Variants in RCOR1 observed in about 807,000 individuals in gnomAD.
RCOR1 encodes the protein REST corepressor 1, also known as REST corepressor.
Under a neutral mutation model 64.0 loss-of-function variants are expected in RCOR1, and 12 were observed. The observed-to-expected ratio is 0.19, with a 90% CI of 0.12 to 0.30. RCOR1 has a LOEUF of 0.30. Among genes scored for constraint, RCOR1 ranks in the 10% least tolerant of loss-of-function variants. The pLI is 1.00. For synonymous variants in RCOR1, 279 were observed against 227.2 expected (o/e 1.23, Z -2.05); for missense variants, 502 against 621.2 (o/e 0.81, Z 2.04).
At chr14:102,612,239 C>T (rs965444518) in intron 2 of RCOR1, among the ~76,000 whole-genome samples, 2 of 152,206 alleles carry the variant, frequency 1.3e-5, no homozygotes, top group Non-Finnish European at 2.9e-5. Flanking sequence ...CCAGGCTGGT[C>T]TTGAGCTCCT....
At chr14:102,610,853 C>G (rs1034286630) in intron 2 of RCOR1, among the ~76,000 whole-genome samples, 1 of 152,040 alleles carries the variant, frequency 6.6e-6, no homozygotes, top group Non-Finnish European at 1.5e-5. Flanking sequence ...CGTGCCCAGC[C>G]CAAAAGCTTC....
intron 2 of RCOR1, among the ~76,000 whole-genome samples, chr14:102,632,619 C>G (rs970719786): frequency 3.1e-5 from 1 of 32,488 alleles, no homozygotes; most frequent in Non-Finnish European, 6.1e-5. Context: ...CTATCCTTTC[C>G]TTTCCTTTCC....
intron 2 of RCOR1, among the ~76,000 whole-genome samples, chr14:102,594,387 G>A (rs959472114): frequency 3.3e-5 from 5 of 152,100 alleles, no homozygotes; most frequent in African/African-American, 1.2e-4. Flanking sequence ...TTTTTCCTTG[G>A]AAACAAGACT....
chr14:102,706,020 G>A (rs540078492), intron 4 of RCOR1, among the ~76,000 whole-genome samples: 4 of 143,342 alleles, frequency 2.8e-5, no homozygotes, highest in Non-Finnish European at 6.0e-5. Context: ...GCTGAGGCAG[G>A]AGAATTGATT....
At chr14:102,645,142 T>C (rs1203769839) in intron 2 of RCOR1, among the ~76,000 whole-genome samples, 1 of 152,204 alleles carries the variant, frequency 6.6e-6, no homozygotes, top group Non-Finnish European at 1.5e-5. Context: ...TTGTGGTAGG[T>C]CCTTCATTTC....
intron 2 of RCOR1, among the ~76,000 whole-genome samples, chr14:102,626,602 T>C (rs1363503748): frequency 1.3e-5 from 2 of 152,184 alleles, no homozygotes; most frequent in African/African-American, 4.8e-5. Context: ...TTCTATACTT[T>C]TGGGTTTGTT....
intron 2 of RCOR1, among the ~76,000 whole-genome samples, chr14:102,676,405 T>C (rs547930731): frequency 2.0e-5 from 2 of 101,340 alleles, no homozygotes; most frequent in Non-Finnish European, 2.0e-5. Flanking sequence ...CACTTCCCAG[T>C]AGGGGCGGCC....
chr14:102,662,111 A>G, intron 2 of RCOR1: 1 of 351,084 alleles, frequency 2.8e-6, no homozygotes, highest in Non-Finnish European at 5.5e-6. Context: ...GTTTGTTGTC[A>G]TTTGCATGTT....
chr14:102,601,107 T>C (rs1893386628), intron 2 of RCOR1, among the ~76,000 whole-genome samples: 1 of 151,998 alleles, frequency 6.6e-6, no homozygotes, highest in African/African-American at 2.4e-5. Flanking sequence ...GAGAATTGCT[T>C]GAACCCAGGC....
At chr14:102,682,937 T>A (rs1294766189) in intron 3 of RCOR1, among the ~76,000 whole-genome samples, 1 of 152,172 alleles carries the variant, frequency 6.6e-6, no homozygotes, top group Non-Finnish European at 1.5e-5. Flanking sequence ...TAATCTCACT[T>A]ATTTCTCAGG....
chr14:102,613,723 C>CTT (rs74810023), intron 2 of RCOR1, among the ~76,000 whole-genome samples: 7 of 140,284 alleles, frequency 5.0e-5, no homozygotes, highest in African/African-American at 1.6e-4. Flanking sequence ...CCCCGCCATC[C>CTT]TTTTTTTTTT....
chr14:102,720,086 C>T (rs533123410), intron 8 of RCOR1, among the ~76,000 whole-genome samples: 9 of 152,246 alleles, frequency 5.9e-5, no homozygotes, highest in Admixed American at 2.0e-4. Context: ...TAAAAATTTT[C>T]GGGTAGCATC....
At position 102,605,386 on chromosome 14, in the gene RCOR1, G is replaced by A. The variant is rs561362918; in HGVS notation, c.361+12061G>A. Among the ~76,000 whole-genome samples the A allele has an allele frequency of 7.9e-5, 12 of 152,228 alleles. No individual in the cohort carries two copies. In the East Asian group the frequency reaches 2.1e-3, roughly 27 times the overall value. ...TTTAGAAGAGCCATTTATTTTGATG[G>A]TGTGACTGAAGGCTATACATACAGT... On this transcript the variant is annotated intron_variant, in intron 2 of 11. Transcript: ENST00000262241.
intron 7 of RCOR1, among the ~76,000 whole-genome samples, chr14:102,712,959 T>TG (rs1895991734): frequency 7.1e-6 from 1 of 141,254 alleles, no homozygotes; most frequent in Admixed American, 7.1e-5. Context: ...TTTTTTTTTT[T>TG]TTTTTTTTTT....
rs1893834207 is a variant in RCOR1 at position 102,619,707 on chromosome 14, C to T, written c.361+26382C>T. On this transcript the variant is annotated intron_variant, in intron 2 of 11. Coordinates refer to ENST00000262241, the MANE Select transcript of RCOR1 (RefSeq NM_015156.4). ...TGTTGGCCAGGCTGATCTCAAACTC[C>T]TGACCTCAGGTGATCTGCCCACCTC... 2.0e-5 allele frequency among the ~76,000 whole-genome samples: 3 copies of T among 152,130 alleles called. No homozygotes were observed. The South Asian group carries it at 6.2e-4, about 32-fold the overall frequency.
In RCOR1 at chr14:102,721,348, C is replaced by T; in HGVS notation, c.1160C>T (p.Thr387Ile). ...ATTCAGAAATGTAATGCACGTTGGA[C>T]TACAGAAGAGCAGCTTCTCGCCGTA... ...EVIQKCNARWTTEEQLLAVQA... is the reference protein window; with the variant it reads ...EVIQKCNARWITEEQLLAVQA... The change falls in exon 10 of 12, where the codon ACT (threonine) becomes ATT (isoleucine). Residue 387 changes from threonine (T) to isoleucine (I), a missense_variant. Coordinates refer to ENST00000262241, the MANE Select transcript of RCOR1 (RefSeq NM_015156.4). The T allele has an allele frequency of 1.2e-6, 2 of 1,613,680 alleles. No homozygotes were observed.
At chr14:102,606,331 G>C (rs751578634) in intron 2 of RCOR1, among the ~76,000 whole-genome samples, 2 of 152,124 alleles carry the variant, frequency 1.3e-5, no homozygotes, top group Non-Finnish European at 2.9e-5. Flanking sequence ...CACAGTGCTG[G>C]GATTACAGGT....
intron 4 of RCOR1, 41 bp from the exon 5 acceptor site, chr14:102,707,310 T>C: frequency 6.5e-7 from 1 of 1,529,350 alleles, no homozygotes; most frequent in Non-Finnish European, 8.8e-7. Flanking sequence ...TTTTCATTGT[T>C]TTTTGTTTGA....
intron 2 of RCOR1, among the ~76,000 whole-genome samples, chr14:102,602,945 G>A (rs1338129292): frequency 6.6e-6 from 1 of 152,098 alleles, no homozygotes; most frequent in Non-Finnish European, 1.5e-5. Flanking sequence ...GGCTCAACCA[G>A]TCCTTCTGCT....
Sources: allele counts gnomAD v4.1 joint callset (sites outside exome capture counted in the v4.1 genomes callset), GRCh38; gene constraint gnomAD v4.1.1; transcripts MANE v1.5; gene names NCBI Gene and HGNC (gene_info 2026-07-23, HGNC 2026-07-21).